The following BMPR1A variants were observed in gnomAD, a reference collection of about 807,000 sequenced individuals.
The protein encoded by BMPR1A is bone morphogenetic protein receptor type-1A.
BMPR1A carries 7 observed loss-of-function variants against 66.0 expected under a neutral mutation model. The observed-to-expected ratio is 0.11, with a 90% CI of 0.06 to 0.20. The LOEUF (loss-of-function observed/expected upper bound fraction) is 0.20. Among genes scored for constraint, BMPR1A ranks in the 10% least tolerant of loss-of-function variants. The pLI, the probability that BMPR1A is intolerant of heterozygous loss-of-function variation, is 1.00. For synonymous variants in BMPR1A, 200 were observed against 229.7 expected, an observed-to-expected ratio of 0.87 and a Z score of 1.17; for missense variants, 408 against 669.1, an observed-to-expected ratio of 0.61 and a Z score of 4.31.
At chr10:86,784,115 C>A (rs1340574944) in intron 1 of BMPR1A, among the ~76,000 whole-genome samples, 2 of 151,784 alleles carry the variant, frequency 1.3e-5, no homozygotes, top group African/African-American at 4.8e-5. Context: ...TTTTTCTTGC[C>A]TCCTTTTTCT....
At chr10:86,903,852 C>T (rs961356557) in intron 7 of BMPR1A, among the ~76,000 whole-genome samples, 4 of 152,038 alleles carry the variant, frequency 2.6e-5, no homozygotes, top group East Asian at 3.9e-4. Flanking sequence ...ATGATCCGCC[C>T]GCCTTGGCCT....
chr10:86,787,136 C>A (rs1564684145), intron 1 of BMPR1A, among the ~76,000 whole-genome samples: 4 of 152,120 alleles, frequency 2.6e-5, no homozygotes, highest in African/African-American at 9.7e-5. Flanking sequence ...TGAGAGCACA[C>A]TCTTATAAAG....
At chr10:86,863,748 G>A (rs1022603189) in intron 2 of BMPR1A, among the ~76,000 whole-genome samples, 3 of 152,122 alleles carry the variant, frequency 2.0e-5, no homozygotes, top group Non-Finnish European at 2.9e-5. Context: ...AGACCAGCTC[G>A]CCCCTGAACT....
intron 2 of BMPR1A, among the ~76,000 whole-genome samples, chr10:86,839,194 G>A (rs1320924144): frequency 6.6e-6 from 1 of 152,046 alleles, no homozygotes; most frequent in Non-Finnish European, 1.5e-5. Flanking sequence ...ACCTCTTCAG[G>A]AGTGAAAGGT....
At chr10:86,879,310 C>G (rs912338223) in intron 3 of BMPR1A, among the ~76,000 whole-genome samples, 1 of 152,214 alleles carries the variant, frequency 6.6e-6, no homozygotes, top group Non-Finnish European at 1.5e-5. Context: ...CCCATTCACT[C>G]ACTTCCTCTC....
chr10:86,777,203 C>G (rs1002295781), intron 1 of BMPR1A, among the ~76,000 whole-genome samples: 2 of 152,122 alleles, frequency 1.3e-5, no homozygotes, highest in Non-Finnish European at 2.9e-5. Context: ...AGAGAAACCC[C>G]AGTTTCTCTA....
intron 1 of BMPR1A, among the ~76,000 whole-genome samples, chr10:86,765,132 A>G (rs887336138): frequency 2.0e-5 from 3 of 152,132 alleles, no homozygotes; most frequent in African/African-American, 7.2e-5. Context: ...GTCATATTGG[A>G]CAGTACTGCC....
At chr10:86,846,010 T>A (rs1033066119) in intron 2 of BMPR1A, among the ~76,000 whole-genome samples, 1 of 150,082 alleles carries the variant, frequency 6.7e-6, no homozygotes, top group Non-Finnish European at 1.5e-5. Flanking sequence ...AAAAAAAAAA[T>A]TATATATATA....
At chr10:86,847,989 T>A (rs1842510244) in intron 2 of BMPR1A, among the ~76,000 whole-genome samples, 1 of 151,966 alleles carries the variant, frequency 6.6e-6, no homozygotes, top group Non-Finnish European at 1.5e-5. Context: ...TGGAGTACAG[T>A]GGTGCCATCT....
intron 1 of BMPR1A, among the ~76,000 whole-genome samples, chr10:86,770,101 G>C (rs1841229463): frequency 6.6e-6 from 1 of 152,124 alleles, no homozygotes; most frequent in Non-Finnish European, 1.5e-5. Context: ...GATCAGCCTG[G>C]GCAACATGGC....
intron 5 of BMPR1A, 26 bp from the exon 6 acceptor site, chr10:86,899,768 T>A (rs761220131): frequency 6.3e-7 from 1 of 1,593,296 alleles, no homozygotes. Flanking sequence ...AAACCATTTC[T>A]AATTTTATCA....
chr10:86,918,100 C>G (rs902814672), intron 9 of BMPR1A, among the ~76,000 whole-genome samples: 3 of 152,144 alleles, frequency 2.0e-5, no homozygotes, highest in Admixed American at 6.6e-5. Context: ...AGACAACACT[C>G]TAGTCTCCAT....
At chr10:86,773,820 T>C (rs1389450816) in intron 1 of BMPR1A, among the ~76,000 whole-genome samples, 1 of 151,704 alleles carries the variant, frequency 6.6e-6, no homozygotes, top group African/African-American at 2.4e-5. Flanking sequence ...CACTGTGATA[T>C]GCACATTTTT....
At chr10:86,779,328 G>C (rs1317449796) in intron 1 of BMPR1A, among the ~76,000 whole-genome samples, 1 of 152,110 alleles carries the variant, frequency 6.6e-6, no homozygotes, top group Non-Finnish European at 1.5e-5. Context: ...TCTGTCTTGT[G>C]GCTGTACTAG....
At chr10:86,772,126 G>GTTTTTTTTTTTTTT in intron 1 of BMPR1A, among the ~76,000 whole-genome samples, 1 of 88,872 alleles carries the variant, frequency 1.1e-5, no homozygotes, top group Non-Finnish European at 2.1e-5. Flanking sequence ...TCAGAGATAG[G>GTTTTTTTTTTTTTT]TTTTTTTTTT....
At chr10:86,901,256 AC>A (rs1439078634) in intron 7 of BMPR1A, among the ~76,000 whole-genome samples, 14 of 152,228 alleles carry the variant, frequency 9.2e-5, no homozygotes, top group Non-Finnish European at 1.9e-4. Context: ...ACCCTGAGCT[AC>A]CCAATCAAGT....
intron 1 of BMPR1A, among the ~76,000 whole-genome samples, chr10:86,775,354 T>C (rs1007048895): frequency 6.6e-6 from 1 of 152,164 alleles, no homozygotes; most frequent in African/African-American, 2.4e-5. Context: ...GTCCCAGACA[T>C]GCTTTGAGTC....
chr10:86,761,755 G>C (rs1021672363), intron 1 of BMPR1A, among the ~76,000 whole-genome samples: 3 of 152,204 alleles, frequency 2.0e-5, no homozygotes, highest in African/African-American at 7.2e-5. Flanking sequence ...AACTAGCGTG[G>C]ATGAGAGAAG....
At chr10:86,853,409 T>G (rs908479680) in intron 2 of BMPR1A, among the ~76,000 whole-genome samples, 1 of 152,322 alleles carries the variant, frequency 6.6e-6, no homozygotes, top group East Asian at 1.9e-4. Flanking sequence ...ACTGCACATT[T>G]ATGAAAATTT....
Sources: allele counts gnomAD v4.1 joint callset (sites outside exome capture counted in the v4.1 genomes callset), GRCh38; gene constraint gnomAD v4.1.1; transcripts MANE v1.5; gene names NCBI Gene and HGNC (gene_info 2026-07-23, HGNC 2026-07-21).